ZDHHC18: variants seen among roughly 807,000 people sequenced by gnomAD.
The protein encoded by ZDHHC18 is palmitoyltransferase ZDHHC18.
Under a neutral mutation model 37.5 loss-of-function variants are expected in ZDHHC18, and 23 were observed. That is an observed-to-expected ratio of 0.61 (90% CI 0.44 to 0.87). The LOEUF is 0.87. Among genes scored for constraint, ZDHHC18 ranks in the 40% least tolerant of loss-of-function variants. The pLI is 0.00. For missense variants in ZDHHC18, 406 were observed against 525.6 expected, an observed-to-expected ratio of 0.77 and a Z score of 2.22; for synonymous variants, 185 against 218.7, an observed-to-expected ratio of 0.85 and a Z score of 1.36.
chr1:26,847,763 C>T (rs1570674128), intron 2 of ZDHHC18, among the ~76,000 whole-genome samples: 1 of 151,262 alleles, frequency 6.6e-6, no homozygotes, highest in South Asian at 2.1e-4. Context: ...CTCACTGCAG[C>T]CTTCACCCCC....
intron 7 of ZDHHC18, chr1:26,853,297 G>T (rs2081716033): frequency 4.1e-6 from 1 of 245,240 alleles, no homozygotes. Flanking sequence ...CCAGAACGGG[G>T]ATTACATTGC....
chr1:26,830,614 C>A (rs527491656), intron 1 of ZDHHC18, among the ~76,000 whole-genome samples: 1 of 152,228 alleles, frequency 6.6e-6, no homozygotes, highest in Non-Finnish European at 1.5e-5. Flanking sequence ...ACATAGTAAG[C>A]CTTCAAAAGA....
chr1:26,836,440 T>G (rs1423336653), intron 2 of ZDHHC18, among the ~76,000 whole-genome samples: 1 of 151,858 alleles, frequency 6.6e-6, no homozygotes, highest in Non-Finnish European at 1.5e-5. Flanking sequence ...CCCTGCCCTG[T>G]CCCCCCACAA....
intron 7 of ZDHHC18, 186 bp downstream of exon 7, chr1:26,853,051 A>C (rs779083943): frequency 1.8e-6 from 1 of 557,292 alleles, no homozygotes; most frequent in East Asian, 3.0e-5. Flanking sequence ...TCATTGTAGA[A>C]AAAAAAAATT....
At position 26,856,255 on chromosome 1, in the gene ZDHHC18, G is replaced by T; in HGVS notation, c.*2412G>T. The T allele has an allele frequency of 2.2e-6, 1 of 447,036 alleles. No individual in the cohort carries two copies. The allele number at this position is 447,036 out of a possible 1,614,324, so 27.7% of individuals were successfully genotyped here. ...GAGCTAACAGGCCTCTTTGCAGAGG[G>T]TTAGCTGGTAAGACCGTTTCTTCCC... On this transcript the variant is annotated 3_prime_UTR_variant, in exon 8 of 8. Coordinates refer to ENST00000374142, the MANE Select transcript of ZDHHC18 (RefSeq NM_032283.3). The surrounding 1 kb of genome is among the most constrained non-coding windows in gnomAD (Gnocchi z 5.2).
chr1:26,842,003 C>T (rs1333208496), intron 2 of ZDHHC18, among the ~76,000 whole-genome samples: 2 of 152,012 alleles, frequency 1.3e-5, no homozygotes, highest in African/African-American at 4.8e-5. Context: ...GGCATGGTTG[C>T]GGGCACCTGT....
At chr1:26,851,544 A>G (rs1393421850) in intron 6 of ZDHHC18, among the ~76,000 whole-genome samples, 1 of 152,240 alleles carries the variant, frequency 6.6e-6, no homozygotes, top group Non-Finnish European at 1.5e-5. Context: ...GACCGCTTAC[A>G]GAATTCTTTC....
At position 26,850,205 on chromosome 1, in the gene ZDHHC18, G is replaced by C. The variant is rs1023849130; in HGVS notation, c.647-96G>C. On this transcript the variant is annotated intron_variant, in intron 3 of 7. Transcript: ENST00000374142. This position sits in a 1 kb window ranked among gnomAD's most constrained non-coding sequence, Gnocchi z 6.1. ...GCCAGCTGGTGCTGCGAGAGTGAAC[G>C]GGGTAGGAAAGCCCCAGCCATGGGT... The C allele has an allele frequency of 2.7e-6, 4 of 1,476,952 alleles. No individual in the cohort carries two copies. The African/African-American group carries it at 5.6e-5, about 21-fold the overall frequency. The allele number at this position is 1,476,952 out of a possible 1,614,324, so 91.5% of individuals were successfully genotyped here.
In ZDHHC18 at chr1:26,826,972, CAGCGGGAGCGGG is replaced by C. The variant is rs2081560290; in HGVS notation, c.172_183del (p.Gly58_Ser61del). The C allele has an allele frequency of 2.6e-5, 32 of 1,216,086 alleles. No homozygotes were observed. Among genetic ancestry groups the C allele is most frequent in the Non-Finnish European group, 3.2e-5 (31 of 977,344 alleles). The allele number at this position is 1,216,086 out of a possible 1,614,324, so 75.3% of individuals were successfully genotyped here. On this transcript the variant is annotated inframe_deletion, in exon 1 of 8. Transcript: ENST00000374142. This position sits in a 1 kb window ranked among gnomAD's most constrained non-coding sequence, Gnocchi z 5.2. ...GGAGCAGCAGCGGCAGCGGCAGCGG[CAGCGGGAGCGGG>C]AGCCTCGGCCGCCGCCCACGGCGCA...
intron 2 of ZDHHC18, 123 bp from the exon 3 acceptor site, chr1:26,848,485 C>A (rs17370283): frequency 7.6e-7 from 1 of 1,310,708 alleles, no homozygotes; most frequent in Non-Finnish European, 1.1e-6. Context: ...ATGTTTGTTC[C>A]TGGGAACCTG....
intron 1 of ZDHHC18, 75 bp downstream of exon 1, chr1:26,827,214 T>G (rs2081562238): frequency 2.6e-6 from 3 of 1,141,174 alleles, no homozygotes; most frequent in Non-Finnish European, 2.2e-6. Flanking sequence ...TGCTGGGCAC[T>G]CCGTGCCTTC....
In ZDHHC18 at chr1:26,856,752, TC is replaced by T; in HGVS notation, c.*2913del. On this transcript the variant is annotated 3_prime_UTR_variant, in exon 8 of 8. Transcript: ENST00000374142. The surrounding 1 kb of genome is among the most constrained non-coding windows in gnomAD (Gnocchi z 5.2). ...GAGGCAGGTGCTGTGGCAGCACCTC[TC>T]CCCACCACCGGGGCCCCTGCAGGCC... 1 of 153,472 alleles carries T rather than the reference TC, an allele frequency of 6.5e-6. No homozygotes were observed. 9.5% of individuals were successfully genotyped at this position (153,472 alleles called of 1,614,324 possible).
At chr1:26,832,339 A>G in intron 1 of ZDHHC18, 108 bp from the exon 2 acceptor site, 3 of 1,423,024 alleles carry the variant, frequency 2.1e-6, no homozygotes, top group Non-Finnish European at 1.9e-6. Context: ...GCTGTATTCA[A>G]GATTTTGGTG....
chr1:26,827,165 C>A, intron 1 of ZDHHC18, 26 bp downstream of exon 1: 2 of 1,352,590 alleles, frequency 1.5e-6, no homozygotes, highest in Non-Finnish European at 9.5e-7. Context: ...TCGGCGCCCC[C>A]TCCCAGCCCC....
chr1:26,852,950 C>T (rs1557646535), intron 7 of ZDHHC18, 85 bp downstream of exon 7: 1 of 1,240,422 alleles, frequency 8.1e-7, no homozygotes, highest in Non-Finnish European at 1.2e-6. Context: ...CCGACCTCCC[C>T]CTACACCCTA....
At chr1:26,841,588 G>A (rs776161107) in intron 2 of ZDHHC18, among the ~76,000 whole-genome samples, 1 of 152,180 alleles carries the variant, frequency 6.6e-6, no homozygotes, top group South Asian at 2.1e-4. Flanking sequence ...AGTGAGTGGG[G>A]AGCCAAAAGC....
intron 7 of ZDHHC18, 59 bp downstream of exon 7, chr1:26,852,924 T>C: frequency 6.6e-7 from 1 of 1,524,318 alleles, no homozygotes; most frequent in Non-Finnish European, 9.1e-7. Flanking sequence ...GTGATCAAAG[T>C]GTTCCTGGAT....
intron 1 of ZDHHC18, among the ~76,000 whole-genome samples, chr1:26,830,676 T>C (rs1008699394): frequency 6.6e-6 from 1 of 152,236 alleles, no homozygotes; most frequent in Non-Finnish European, 1.5e-5. Context: ...GGTACGTCCT[T>C]GGTGCCAGGT....
intron 2 of ZDHHC18, among the ~76,000 whole-genome samples, chr1:26,840,067 A>G (rs1194890565): frequency 6.6e-6 from 1 of 152,204 alleles, no homozygotes; most frequent in Non-Finnish European, 1.5e-5. Context: ...GCTCTTCTGC[A>G]GAGTGCTGGA....
Sources: gnomAD v4.1 joint callset for allele counts (sites outside exome capture counted in the v4.1 genomes callset) on GRCh38, gnomAD v4.1.1 for gene constraint, Gnocchi (gnomAD v3.1) non-coding constraint, MANE v1.5 for transcripts, NCBI Gene and HGNC (gene_info 2026-07-23, HGNC 2026-07-21) for gene names.